The following ZNF549 variants were observed in gnomAD, a reference collection of about 807,000 sequenced individuals.
ZNF549 encodes the protein zinc finger protein 549.
Under a neutral mutation model 11.1 loss-of-function variants are expected in ZNF549, and 11 were observed. That is an observed-to-expected ratio of 0.99 (90% CI 0.62 to 1.64). The LOEUF (loss-of-function observed/expected upper bound fraction) is 1.64. Among genes scored for constraint, ZNF549 ranks in the 40% most tolerant of loss-of-function variants. The pLI is 0.00. For missense variants in ZNF549, 748 were observed against 765.1 expected, an observed-to-expected ratio of 0.98 and a Z score of 0.26; for synonymous variants, 266 against 269.1, an observed-to-expected ratio of 0.99 and a Z score of 0.11.
At position 57,537,531 on chromosome 19, in the gene ZNF549, C is replaced by G. The variant is rs199808290; in HGVS notation, c.527C>G (p.Pro176Arg). Reference protein sequence around the residue: ...SALLLNSCKIPLSDNLFPCKD... With the variant: ...SALLLNSCKIRLSDNLFPCKD... Reference sequence around the variant, plus strand: ...TTGCTTCTGAATAGCTGCAAAATTCCTCTGTCAGACAATCTTTTCCCATGC... The same window carrying G: ...TTGCTTCTGAATAGCTGCAAAATTCGTCTGTCAGACAATCTTTTCCCATGC... The change falls in exon 4 of 4, where the codon CCT becomes CGT. Residue 176 changes from proline (P) to arginine (R), a missense_variant. Coordinates refer to ENST00000376233, the MANE Select transcript of ZNF549 (RefSeq NM_001199295.2). The G allele has an allele frequency of 1.2e-6, 2 of 1,614,200 alleles. No individual in the cohort carries two copies. The highest frequency in any genetic ancestry group is 3.3e-5 in the Admixed American group (2 of 60,024).
At chr19:57,535,017 G>C (rs980789829) in intron 2 of ZNF549, 127 bp from the exon 3 acceptor site, 20 of 1,271,400 alleles carry the variant, frequency 1.6e-5, no homozygotes, top group Non-Finnish European at 2.0e-5. Context: ...GTAAGGCCCA[G>C]AGCCCAGTGG....
At chr19:57,531,009 A>C (rs548761895) in intron 1 of ZNF549, 61 bp from the exon 2 acceptor site, 1 of 1,548,108 alleles carries the variant, frequency 6.5e-7, no homozygotes, top group African/African-American at 1.4e-5. Flanking sequence ...GGCAAGAGCA[A>C]CTTACCCTTT....
chr19:57,530,961 C>T (rs1458559827), intron 1 of ZNF549, 109 bp from the exon 2 acceptor site: 6 of 1,043,538 alleles, frequency 5.7e-6, no homozygotes, highest in South Asian at 1.4e-5. Context: ...TGAAGGCAAC[C>T]TCAGAGAGGT....
rs141120467 is a variant in ZNF549, at chr19:57,537,899, A to T, written c.895A>T (p.Thr299Ser). ...TLVGHQQRIH[T>S]RERSYVCIEC... The stretch of plus-strand genomic sequence containing the variant: ...CGTTGGGCACCAGCAGAGAATTCAC[A>T]CTAGAGAAAGGTCTTATGTGTGCAT... The change falls in exon 4 of 4, where the codon ACT becomes TCT. Residue 299 changes from threonine to serine, a missense_variant. Transcript: ENST00000376233. 1 of 1,613,732 alleles carries T rather than the reference A, an allele frequency of 6.2e-7. No homozygotes were observed.
chr19:57,530,335 C>T (rs12460048), intron 1 of ZNF549, among the ~76,000 whole-genome samples: 84,603 of 151,978 alleles, frequency 0.56, 23,812 homozygotes, highest in East Asian at 0.72. Context: ...CGTAAGAGAG[C>T]GTGGAAGTAC....
chr19:57,528,915 C>T (rs1490785585), intron 1 of ZNF549, among the ~76,000 whole-genome samples: 1 of 152,168 alleles, frequency 6.6e-6, no homozygotes, highest in Non-Finnish European at 1.5e-5. Flanking sequence ...CACAGAATTC[C>T]TAAAATCGTT....
rs1568590955 is a variant in ZNF549 at position 57,538,295 on chromosome 19, A to G, written c.1291A>G (p.Arg431Gly). ...ECGKAFIHKK[R>G]LLEHQRIHTG... ...TGGGAAGGCCTTCATTCACAAAAAA[A>G]GACTTCTTGAGCACCAGAGAATTCA... is the stretch of plus-strand genomic sequence containing the variant. The change falls in exon 4 of 4, where the codon AGA becomes GGA. Residue 431 changes from arginine (R) to glycine (G), a missense_variant. Physicochemically the swap from Arg to Gly is moderately radical, Grantham distance 125 (BLOSUM62 -2). Coordinates refer to ENST00000376233, the MANE Select transcript of ZNF549 (RefSeq NM_001199295.2). 2 of 1,613,302 alleles carry G rather than the reference A, an allele frequency of 1.2e-6. No homozygotes were observed. The highest frequency in any genetic ancestry group is 1.7e-6 in the Non-Finnish European group (2 of 1,179,812).
At position 57,538,465 on chromosome 19, in the gene ZNF549, ACTT is replaced by A. The variant is rs1197681143; in HGVS notation, c.1465_1467del (p.Leu489del). ...GGAAAGCCTTCATCTCCAAACAAAC[ACTT>A]CTTAAGCATCACAAAATCCACACTA... On this transcript the variant is annotated inframe_deletion, in exon 4 of 4. Coordinates refer to ENST00000376233, the MANE Select transcript of ZNF549 (RefSeq NM_001199295.2). 1 of 1,613,970 alleles carries A rather than the reference ACTT, an allele frequency of 6.2e-7. No homozygotes were observed. The highest frequency in any genetic ancestry group is 1.3e-5 in the African/African-American group (1 of 74,906).
Position 57,537,817 on chromosome 19 carries a change from A to G in ZNF549, c.813A>G (p.Ala271=), listed in dbSNP as rs376810381. 74 of 1,614,108 alleles carry G rather than the reference A, an allele frequency of 4.6e-5. No homozygotes were observed. Among genetic ancestry groups the G allele is most frequent in the Non-Finnish European group, 6.1e-5 (72 of 1,180,048 alleles). The change falls in exon 4 of 4, where the codon GCA becomes GCG. Residue 271 remains alanine (A), a synonymous_variant. Transcript: ENST00000376233. ...LFVEHQRTHN[A]EKPYVCNICG... The stretch of plus-strand genomic sequence containing the variant: ...TTGAACACCAGAGAACCCATAATGC[A>G]GAAAAGCCTTATGTGTGCAATATAT...
intron 1 of ZNF549, among the ~76,000 whole-genome samples, chr19:57,528,791 G>A (rs564762312): frequency 2.0e-5 from 3 of 152,326 alleles, no homozygotes; most frequent in Admixed American, 1.3e-4. Context: ...AGTTTAGACT[G>A]TATAGATTTA....
chr19:57,539,093 A>G lies in ZNF549; in HGVS notation c.*166A>G, dbSNP rs2089943230. On this transcript the variant is annotated 3_prime_UTR_variant, in exon 4 of 4. Transcript: ENST00000376233. ...GGGAAGCTTTCTAGAGATTACTTGT[A>G]CTTTCTAATCTGCCCAGTGTTACAA... The G allele has an allele frequency of 2.7e-6, 2 of 741,022 alleles. No individual in the cohort carries two copies. The highest frequency in any genetic ancestry group is 3.9e-5 in the South Asian group (2 of 51,514). The allele number at this position is 741,022 out of a possible 1,614,324, so 45.9% of individuals were successfully genotyped here.
At chr19:57,536,826 G>A (rs899529126) in intron 3 of ZNF549, among the ~76,000 whole-genome samples, 6 of 152,206 alleles carry the variant, frequency 3.9e-5, no homozygotes, top group South Asian at 4.1e-4. Flanking sequence ...GCAATGGCTC[G>A]TGCCTATAAT....
At chr19:57,535,652 A>G (rs1347380746) in intron 3 of ZNF549, among the ~76,000 whole-genome samples, 1 of 152,074 alleles carries the variant, frequency 6.6e-6, no homozygotes, top group East Asian at 1.9e-4. Context: ...CATGGTTGCT[A>G]TTTGTAGGGA....
intron 3 of ZNF549, among the ~76,000 whole-genome samples, chr19:57,535,633 A>G (rs932862934): frequency 1.3e-5 from 2 of 152,150 alleles, no homozygotes; most frequent in African/African-American, 4.8e-5. Flanking sequence ...CAGGAATTAC[A>G]GGTACTTACA....
chr19:57,537,402 C>T lies in ZNF549; in HGVS notation c.398C>T (p.Thr133Met), dbSNP rs148639985. The T allele has an allele frequency of 1.4e-3, 2,331 of 1,614,202 alleles. 10 individuals are homozygous for T. The highest frequency in any genetic ancestry group is 1.5e-3 in the Non-Finnish European group (1,722 of 1,180,050). Residue 133 changes from threonine to methionine, a missense_variant, in exon 4 of 4, where the codon ACG (threonine) becomes ATG (methionine). Thr to Met is a moderately conservative substitution (Grantham distance 81, BLOSUM62 -1). Transcript: ENST00000376233. ...ACACTTCCCTGGCAGAAACCTTATA[C>T]GTCTGTGGCCAGTGGGAAATGGTTT... ...QGTLPWQKPY[T>M]SVASGKWFSF...
At chr19:57,529,188 A>G (rs2089892632) in intron 1 of ZNF549, among the ~76,000 whole-genome samples, 1 of 152,246 alleles carries the variant, frequency 6.6e-6, no homozygotes, top group South Asian at 2.1e-4. Context: ...CCTAGGAGCA[A>G]TAGGCTATAC....
At position 57,538,116 on chromosome 19, in the gene ZNF549, T is replaced by G; in HGVS notation, c.1112T>G (p.Ile371Ser). The change falls in exon 4 of 4, where the codon ATT becomes AGT. Residue 371 changes from isoleucine to serine, a missense_variant. Coordinates refer to ENST00000376233, the MANE Select transcript of ZNF549 (RefSeq NM_001199295.2). ...YVCMECGKSFIHSYDRIRHQR... is the reference protein window; with the variant it reads ...YVCMECGKSFSHSYDRIRHQR... Reference sequence around the variant, plus strand: ...TGTATGGAATGTGGGAAATCTTTTATTCATTCCTATGACCGCATTCGACAC... The same window carrying G: ...TGTATGGAATGTGGGAAATCTTTTAGTCATTCCTATGACCGCATTCGACAC... 1 of 1,614,136 alleles carries G rather than the reference T, an allele frequency of 6.2e-7. No homozygotes were observed. The highest frequency in any genetic ancestry group is 8.5e-7 in the Non-Finnish European group (1 of 1,180,024).
rs2089882493 is a variant in ZNF549, at chr19:57,527,479, C to T, written c.-95C>T. ...GCCCGCAGAGGAGCTTGCCTGGTCTCGGTCTGAGCGTCGCCCAGCGATTTG... is the reference window on the plus strand; with the variant it reads ...GCCCGCAGAGGAGCTTGCCTGGTCTTGGTCTGAGCGTCGCCCAGCGATTTG... On this transcript the variant is annotated 5_prime_UTR_variant, in exon 1 of 4. Transcript: ENST00000376233. The T allele has an allele frequency of 7.8e-6, 12 of 1,547,436 alleles. No homozygotes were observed. The highest frequency in any genetic ancestry group is 9.7e-6 in the Non-Finnish European group (11 of 1,132,128).
chr19:57,527,668 G>C, intron 1 of ZNF549, 62 bp downstream of exon 1: 4 of 1,585,274 alleles, frequency 2.5e-6, no homozygotes, highest in Non-Finnish European at 3.4e-6. Context: ...GGTCACCTGC[G>C]TGGGTCTCTG....
Sources: allele counts gnomAD v4.1 joint callset (sites outside exome capture counted in the v4.1 genomes callset), GRCh38; gene constraint gnomAD v4.1.1; transcripts MANE v1.5; gene names NCBI Gene and HGNC (gene_info 2026-07-23, HGNC 2026-07-21).